Variants in SPAG1 observed in about 807,000 individuals in gnomAD.
The protein encoded by SPAG1 is sperm associated antigen 1, also known as sperm-associated antigen 1.
SPAG1 carries 69 observed loss-of-function variants against 100.5 expected under a neutral mutation model. The observed-to-expected ratio is 0.69, with a 90% CI of 0.57 to 0.84. SPAG1 has a LOEUF of 0.84. Ranked by LOEUF, SPAG1 falls within the 40% of genes least tolerant of loss-of-function variation. The probability of loss-of-function intolerance (pLI) is 0.00; values close to 1 mark genes in which losing one functional copy is unlikely to be tolerated. For synonymous variants in SPAG1, 336 were observed against 411.6 expected, an observed-to-expected ratio of 0.82 and a Z score of 2.22; for missense variants, 955 against 1,133.1, an observed-to-expected ratio of 0.84 and a Z score of 2.26.
intron 12 of SPAG1, among the ~76,000 whole-genome samples, chr8:100,218,242 T>G (rs1174613916): frequency 6.6e-6 from 1 of 152,216 alleles, no homozygotes; most frequent in Admixed American, 6.5e-5. Flanking sequence ...ATGGGTGGTT[T>G]TTTTCCTTAA....
Position 100,239,478 on chromosome 8 carries a change from G to T in SPAG1, c.2280+74G>T. 3 of 956,464 alleles carry T rather than the reference G, an allele frequency of 3.1e-6. No individual in the cohort carries two copies. Among genetic ancestry groups the T allele is most frequent in the Non-Finnish European group, 3.3e-6 (2 of 612,518 alleles). The allele number at this position is 956,464 out of a possible 1,614,324, so 59.2% of individuals were successfully genotyped here. A position where few individuals can be genotyped will look rare whatever the true frequency, so the allele number is the denominator to read the frequency against. On this transcript the variant is annotated intron_variant, in intron 17 of 18. Transcript: ENST00000388798. The surrounding 1 kb of genome is among the most constrained non-coding windows in gnomAD (Gnocchi z 5.0). ...CTGGATTCTAAGGTCATATTCCTGT[G>T]AGTTCTAAAACATTTTTAATTTTGT...
chr8:100,227,008 A>G (rs929961541), intron 14 of SPAG1, among the ~76,000 whole-genome samples: 1 of 152,238 alleles, frequency 6.6e-6, no homozygotes, highest in Non-Finnish European at 1.5e-5. Context: ...GTACAGTAAC[A>G]TGCTGTTACA....
rs538244415 is a variant in SPAG1, at chr8:100,241,272, TTA to T, written c.*252_*253del. The T allele has an allele frequency of 8.7e-5, 23 of 264,922 alleles. No homozygotes were observed. Among genetic ancestry groups the T allele is most frequent in the African/African-American group, 4.8e-4 (22 of 45,530 alleles). The allele number at this position is 264,922 out of a possible 1,614,324, so 16.4% of individuals were successfully genotyped here. A position where few individuals can be genotyped will look rare whatever the true frequency, so the allele number is the denominator to read the frequency against. ...GAACTTGTTAAAAATACATTTTAAT[TTA>T]TGATATACATATTATTTTAATTACT... On this transcript the variant is annotated 3_prime_UTR_variant, in exon 19 of 19. Transcript: ENST00000388798. The surrounding 1 kb of genome is among the most constrained non-coding windows in gnomAD (Gnocchi z 5.1).
At chr8:100,169,724 C>A (rs1180242448) in intron 3 of SPAG1, among the ~76,000 whole-genome samples, 4 of 152,018 alleles carry the variant, frequency 2.6e-5, no homozygotes, top group Non-Finnish European at 4.4e-5. Flanking sequence ...GATGACAGAG[C>A]AAGACTGTCT....
intron 3 of SPAG1, among the ~76,000 whole-genome samples, chr8:100,168,743 A>G (rs867099733): frequency 3.0e-5 from 4 of 134,190 alleles, no homozygotes; most frequent in Middle Eastern, 9.1e-3. Context: ...GCTGGAGTGC[A>G]ATGACACAGT....
intron 14 of SPAG1, among the ~76,000 whole-genome samples, chr8:100,228,490 A>G (rs1818618074): frequency 6.6e-6 from 1 of 151,980 alleles, no homozygotes; most frequent in Non-Finnish European, 1.5e-5. Context: ...AGGTGGGCAG[A>G]TCGCCAGAGC....
rs751103088 is a variant in SPAG1 at position 100,213,079 on chromosome 8, C to T, written c.1097-11C>T. On this transcript the variant is annotated splice_polypyrimidine_tract_variant and intron_variant, in intron 10 of 18. Transcript: ENST00000388798. ...TGCAAACCCTCACTTCCCGCATCCA[C>T]TTCCTCACAGAGCCCGCGGAGCCGG... The T allele has an allele frequency of 8.9e-6, 13 of 1,459,994 alleles. No homozygotes were observed. The Admixed American group carries it at 1.8e-4, about 21-fold the overall frequency. The allele number at this position is 1,459,994 out of a possible 1,614,324, so 90.4% of individuals were successfully genotyped here.
At chr8:100,206,863 G>A (rs538159203) in intron 10 of SPAG1, among the ~76,000 whole-genome samples, 161 of 152,306 alleles carry the variant, frequency 1.1e-3, no homozygotes, top group African/African-American at 3.2e-3. Flanking sequence ...AACAGGAGAA[G>A]GCTCTGCCAC....
At chr8:100,197,273 C>T (rs575244927) in intron 10 of SPAG1, among the ~76,000 whole-genome samples, 2 of 152,170 alleles carry the variant, frequency 1.3e-5, no homozygotes, top group African/African-American at 4.8e-5. Flanking sequence ...GGCAACATAA[C>T]GAGACCCCAT....
chr8:100,165,785 ACT>A, intron 2 of SPAG1, 27 bp from the exon 3 acceptor site: 1 of 1,589,846 alleles, frequency 6.3e-7, no homozygotes, highest in Middle Eastern at 1.7e-4. Flanking sequence ...TAAGGTGCTA[ACT>A]CTAAAACTTA....
chr8:100,234,521 A>C (rs151258060), intron 16 of SPAG1, among the ~76,000 whole-genome samples: 102 of 152,184 alleles, frequency 6.7e-4, no homozygotes, highest in African/African-American at 2.3e-3. Context: ...TATAGAATGG[A>C]CTCTACTGTT....
Position 100,224,579 on chromosome 8 carries a change from A to T in SPAG1, c.1689-594A>T, listed in dbSNP as rs73280963. Among the ~76,000 whole-genome samples, 772 of 152,252 alleles carry T rather than the reference A, an allele frequency of 5.1e-3. 10 individuals carry two copies. The highest frequency in any genetic ancestry group is 0.018 in the African/African-American group (755 of 41,522). ...AACAAACACACAAAAGAATAAACTG[A>T]TAATTATAGAGATGAAAAAAATACA... On this transcript the variant is annotated intron_variant, in intron 13 of 18. Coordinates refer to ENST00000388798, the MANE Select transcript of SPAG1 (RefSeq NM_003114.5).
In SPAG1 at chr8:100,174,365, C is replaced by T. The variant is rs115852455; in HGVS notation, c.301-3451C>T. 8.0e-3 allele frequency among the ~76,000 whole-genome samples: 1,211 copies of T among 152,228 alleles called. 9 individuals are homozygous for T. Among genetic ancestry groups the T allele is most frequent in the African/African-American group, 0.027 (1,116 of 41,508 alleles). On this transcript the variant is annotated intron_variant, in intron 3 of 18. Transcript: ENST00000388798. ...AGTGGATCATCATAAAGGTCTTTAT[C>T]CTCGTCATCATCACATTAAATAGGT...
chr8:100,218,306 T>A (rs2083499), intron 12 of SPAG1, among the ~76,000 whole-genome samples: 102,745 of 151,622 alleles, frequency 0.68, 35,509 homozygotes, highest in African/African-American at 0.83. Context: ...GTTAAAGAAA[T>A]AAATTTACTG....
chr8:100,199,482 G>T (rs577911908), intron 10 of SPAG1, among the ~76,000 whole-genome samples: 1 of 152,158 alleles, frequency 6.6e-6, no homozygotes, highest in South Asian at 2.1e-4. Context: ...TTTCACTCTT[G>T]TTGCCCAGGC....
intron 3 of SPAG1, 85 bp downstream of exon 3, chr8:100,166,058 T>G: frequency 4.0e-6 from 5 of 1,249,392 alleles, no homozygotes; most frequent in Non-Finnish European, 5.5e-6. Context: ...CTAGGCTTCT[T>G]GTTTGTCCGT....
intron 16 of SPAG1, among the ~76,000 whole-genome samples, chr8:100,238,722 TATA>T (rs1282368637): frequency 6.6e-6 from 1 of 152,088 alleles, no homozygotes; most frequent in East Asian, 1.9e-4. Context: ...ACAAAAGTAT[TATA>T]ATAACTACCA....
At chr8:100,197,945 T>C (rs1817102143) in intron 10 of SPAG1, among the ~76,000 whole-genome samples, 1 of 152,180 alleles carries the variant, frequency 6.6e-6, no homozygotes, top group East Asian at 1.9e-4. Context: ...CACCTGGGGA[T>C]TTGAGTTCAT....
At chr8:100,165,769 C>A in intron 2 of SPAG1, 45 bp from the exon 3 acceptor site, 1 of 1,541,102 alleles carries the variant, frequency 6.5e-7, no homozygotes, top group Non-Finnish European at 8.9e-7. Context: ...TCTAGATGAT[C>A]CTAAATAAGG....
Sources: allele counts gnomAD v4.1 joint callset (sites outside exome capture counted in the v4.1 genomes callset), GRCh38; gene constraint gnomAD v4.1.1; non-coding constraint Gnocchi (gnomAD v3.1); transcripts MANE v1.5; gene names NCBI Gene and HGNC (gene_info 2026-07-23, HGNC 2026-07-21).